The following COX7B2 variants were observed in gnomAD, a reference collection of about 807,000 sequenced individuals.
COX7B2 encodes the protein cytochrome c oxidase subunit 7B2, mitochondrial.
For missense variants in COX7B2, 109 were observed against 95.9 expected (o/e 1.14, Z -0.57); for synonymous variants, 37 against 32.1 (o/e 1.15, Z -0.51).
intron 2 of COX7B2, among the ~76,000 whole-genome samples, chr4:46,763,058 AAT>A (rs1222707587): frequency 2.2e-5 from 3 of 133,712 alleles, no homozygotes; most frequent in East Asian, 4.1e-4. Context: ...TATAATATGT[AAT>A]ATATATTATA....
At chr4:46,840,458 T>C (rs982129217) in intron 2 of COX7B2, among the ~76,000 whole-genome samples, 3 of 151,986 alleles carry the variant, frequency 2.0e-5, no homozygotes, top group African/African-American at 7.2e-5. Flanking sequence ...GATAGTTGGG[T>C]GCACTGAGGA....
At chr4:46,765,973 G>A (rs1311951941) in intron 2 of COX7B2, among the ~76,000 whole-genome samples, 1 of 151,986 alleles carries the variant, frequency 6.6e-6, no homozygotes, top group African/African-American at 2.4e-5. Context: ...GTGGATCCAG[G>A]TGCCAAGCCT....
chr4:46,868,461 A>G (rs1178435596), intron 1 of COX7B2, among the ~76,000 whole-genome samples: 4 of 152,156 alleles, frequency 2.6e-5, no homozygotes, highest in Non-Finnish European at 4.4e-5. Context: ...TTGTGAAGTT[A>G]ATATTGTTAA....
intron 2 of COX7B2, among the ~76,000 whole-genome samples, chr4:46,769,805 T>C (rs78499425): frequency 1.1e-4 from 16 of 152,090 alleles, no homozygotes; most frequent in African/African-American, 3.9e-4. Context: ...CATCTTGTCA[T>C]GATAAAAAAA....
At chr4:46,799,488 G>A (rs540496137) in intron 2 of COX7B2, among the ~76,000 whole-genome samples, 4 of 152,190 alleles carry the variant, frequency 2.6e-5, no homozygotes, top group African/African-American at 9.6e-5. Context: ...TGCTGGCTGT[G>A]AGTTTGTCAC....
intron 2 of COX7B2, among the ~76,000 whole-genome samples, chr4:46,779,090 G>A (rs116632607): frequency 0.011 from 1,678 of 152,242 alleles, 20 homozygotes; most frequent in Middle Eastern, 0.041. Context: ...AATCCAACAA[G>A]TGTTTAATGA....
chr4:46,874,502 T>G (rs765344387), intron 1 of COX7B2, among the ~76,000 whole-genome samples: 2 of 152,230 alleles, frequency 1.3e-5, no homozygotes, highest in Non-Finnish European at 2.9e-5. Flanking sequence ...CTCTTCATTT[T>G]CTATTCCATT....
At chr4:46,834,737 A>T (rs953040540) in intron 2 of COX7B2, among the ~76,000 whole-genome samples, 2 of 152,156 alleles carry the variant, frequency 1.3e-5, no homozygotes, top group African/African-American at 4.8e-5. Flanking sequence ...AGTGTGCATA[A>T]TATTACTAAA....
intron 1 of COX7B2, among the ~76,000 whole-genome samples, chr4:46,889,783 A>G (rs115799088): frequency 1.7e-3 from 264 of 152,274 alleles, no homozygotes; most frequent in African/African-American, 5.9e-3. Flanking sequence ...TTCTTGGTTC[A>G]CTACAATGAC....
intron 2 of COX7B2, among the ~76,000 whole-genome samples, chr4:46,836,300 T>C (rs1318232256): frequency 1.3e-5 from 2 of 152,110 alleles, no homozygotes; most frequent in Admixed American, 6.5e-5. Context: ...TGTACAACTG[T>C]CCAAAAATAT....
chr4:46,751,891 G>A (rs1443088364), intron 2 of COX7B2, among the ~76,000 whole-genome samples: 1 of 147,806 alleles, frequency 6.8e-6, no homozygotes, highest in Non-Finnish European at 1.5e-5. Flanking sequence ...GGATTGACTT[G>A]GCAATACGGG....
chr4:46,789,580 A>G (rs994687342), intron 2 of COX7B2, among the ~76,000 whole-genome samples: 2 of 152,178 alleles, frequency 1.3e-5, no homozygotes, highest in Admixed American at 6.5e-5. Flanking sequence ...GGACCATTGG[A>G]GTGAACCATA....
chr4:46,841,371 GTGTT>G (rs1379023886), intron 2 of COX7B2, among the ~76,000 whole-genome samples: 1 of 151,128 alleles, frequency 6.6e-6, no homozygotes, highest in Non-Finnish European at 1.5e-5. Context: ...GTGTGTGTGT[GTGTT>G]TAAGATGGGC....
chr4:46,807,854 G>A lies in COX7B2; in HGVS notation c.-50+37106C>T, dbSNP rs190073650. On this transcript the variant is annotated intron_variant, in intron 2 of 2. Coordinates refer to ENST00000355591, the MANE Select transcript of COX7B2 (RefSeq NM_130902.3). ...TAGTATATATTTAGGTTTATTTCTGGGGTCTCTATTCTGTTCCACTGGTCC... is the reference window on the plus strand; with the variant it reads ...TAGTATATATTTAGGTTTATTTCTGAGGTCTCTATTCTGTTCCACTGGTCC... Among the ~76,000 whole-genome samples, 54 of 151,778 alleles carry A rather than the reference G, an allele frequency of 3.6e-4. No individual in the cohort carries two copies. In the East Asian group the frequency reaches 0.01, roughly 28 times the overall value.
intron 2 of COX7B2, among the ~76,000 whole-genome samples, chr4:46,825,016 T>A (rs1357624317): frequency 6.6e-6 from 1 of 151,554 alleles, no homozygotes; most frequent in Non-Finnish European, 1.5e-5. Flanking sequence ...TTCAACACAA[T>A]ATTGGAAGTC....
chr4:46,842,233 A>G (rs1184295186), intron 2 of COX7B2, among the ~76,000 whole-genome samples: 2 of 151,982 alleles, frequency 1.3e-5, no homozygotes, highest in Admixed American at 6.6e-5. Context: ...CTTTCAGACA[A>G]GAGCATCCAT....
At chr4:46,775,228 G>C (rs926900349) in intron 2 of COX7B2, among the ~76,000 whole-genome samples, 5 of 152,024 alleles carry the variant, frequency 3.3e-5, no homozygotes, top group Admixed American at 2.0e-4. Flanking sequence ...ATGACTTCCA[G>C]TATGTTATGA....
intron 1 of COX7B2, among the ~76,000 whole-genome samples, chr4:46,883,382 T>TA (rs869185868): frequency 2.8e-5 from 1 of 35,878 alleles, no homozygotes; most frequent in East Asian, 1.7e-3. Flanking sequence ...CCTTTCTGTA[T>TA]TTTTTTTTAA....
At chr4:46,878,406 TA>T (rs546061723) in intron 1 of COX7B2, among the ~76,000 whole-genome samples, 20 of 148,850 alleles carry the variant, frequency 1.3e-4, no homozygotes, top group South Asian at 8.5e-4. Context: ...GCTCTTACCA[TA>T]AAAAAAAAGG....
Sources: allele counts gnomAD v4.1 joint callset (sites outside exome capture counted in the v4.1 genomes callset), GRCh38; gene constraint gnomAD v4.1.1; transcripts MANE v1.5; gene names NCBI Gene and HGNC (gene_info 2026-07-23, HGNC 2026-07-21).